The following CCDC178 variants were observed in gnomAD, a reference collection of about 807,000 sequenced individuals.
CCDC178 encodes the protein coiled-coil domain containing 178.
In CCDC178, 126 loss-of-function variants were observed where a neutral mutation model predicts 117.4. The observed-to-expected ratio is 1.07, with a 90% CI of 0.93 to 1.24. The LOEUF is 1.24. Among genes scored for constraint, CCDC178 ranks in the 50% most tolerant of loss-of-function variants. The probability of loss-of-function intolerance (pLI) is 0.00; values close to 1 mark genes in which losing one functional copy is unlikely to be tolerated. For synonymous variants in CCDC178, 283 were observed against 313.4 expected (o/e 0.90, Z 1.02); for missense variants, 1,030 against 986.9 (o/e 1.04, Z -0.59).
chr18:32,977,715 C>T (rs1218102259), intron 21 of CCDC178, among the ~76,000 whole-genome samples: 1 of 152,112 alleles, frequency 6.6e-6, no homozygotes, highest in African/African-American at 2.4e-5. Context: ...CAGCAAAATA[C>T]CACTTTAATT....
intron 14 of CCDC178, among the ~76,000 whole-genome samples, chr18:33,257,673 T>A (rs187899197): frequency 2.4e-4 from 37 of 152,224 alleles, no homozygotes; most frequent in Non-Finnish European, 5.1e-4. Context: ...CTTTTCATGT[T>A]CTCCATTGTC....
intron 20 of CCDC178, among the ~76,000 whole-genome samples, chr18:33,164,938 C>A (rs2058511231): frequency 1.3e-5 from 2 of 152,146 alleles, no homozygotes; most frequent in Admixed American, 1.3e-4. Flanking sequence ...TAATATCATG[C>A]ATTGGTCATT....
chr18:33,370,018 C>CTTTATAATTT (rs1187858784), intron 6 of CCDC178, 32 bp downstream of exon 6: 1 of 1,508,936 alleles, frequency 6.6e-7, no homozygotes, highest in East Asian at 2.5e-5. Context: ...TAAAGCTTAC[C>CTTTATAATTT]AAAATATCAG....
At chr18:33,411,593 A>ATATTAG (rs1220922328) in intron 3 of CCDC178, among the ~76,000 whole-genome samples, 3 of 152,192 alleles carry the variant, frequency 2.0e-5, no homozygotes, top group African/African-American at 7.2e-5. Flanking sequence ...AAATAGAATT[A>ATATTAG]TATTAGTATT....
chr18:33,258,340 G>T (rs987704365), intron 14 of CCDC178, among the ~76,000 whole-genome samples: 1 of 152,042 alleles, frequency 6.6e-6, no homozygotes, highest in Non-Finnish European at 1.5e-5. Context: ...AGAGCACAAA[G>T]AATTTTTATC....
intron 20 of CCDC178, among the ~76,000 whole-genome samples, chr18:33,170,828 G>A (rs1442320868): frequency 6.6e-6 from 1 of 151,990 alleles, no homozygotes; most frequent in Non-Finnish European, 1.5e-5. Context: ...TTAAATAGAT[G>A]TTTTCAGTTT....
At chr18:32,939,068 A>T (rs1422078675) in intron 22 of CCDC178, among the ~76,000 whole-genome samples, 3 of 152,132 alleles carry the variant, frequency 2.0e-5, no homozygotes, top group Non-Finnish European at 2.9e-5. Flanking sequence ...ATTACCCAAG[A>T]AGTGAAATAA....
intron 14 of CCDC178, among the ~76,000 whole-genome samples, chr18:33,258,307 A>G (rs1238620239): frequency 6.6e-6 from 1 of 152,098 alleles, no homozygotes; most frequent in Non-Finnish European, 1.5e-5. Context: ...TTTTCTAGCA[A>G]CACCGGCCTC....
intron 22 of CCDC178, among the ~76,000 whole-genome samples, chr18:32,970,353 C>T (rs1339592621): frequency 2.0e-5 from 3 of 151,864 alleles, no homozygotes; most frequent in African/African-American, 4.8e-5. Context: ...TTTTGAATTG[C>T]TTTTCCTCAA....
intron 20 of CCDC178, among the ~76,000 whole-genome samples, chr18:33,206,605 T>C (rs1487346546): frequency 1.3e-5 from 2 of 152,082 alleles, no homozygotes; most frequent in Non-Finnish European, 2.9e-5. Flanking sequence ...AATTTTTTTC[T>C]AGAAAAATAT....
chr18:33,429,405 A>C (rs1488511160), intron 2 of CCDC178, among the ~76,000 whole-genome samples: 1 of 152,132 alleles, frequency 6.6e-6, no homozygotes, highest in Non-Finnish European at 1.5e-5. Context: ...AGCAAGGGAC[A>C]AAAGTCAGTC....
intron 20 of CCDC178, among the ~76,000 whole-genome samples, chr18:33,190,915 C>T (rs181111264): frequency 6.6e-6 from 1 of 152,238 alleles, no homozygotes; most frequent in East Asian, 1.9e-4. Context: ...CAGCAATATA[C>T]TCAGTCCTTC....
intron 21 of CCDC178, among the ~76,000 whole-genome samples, chr18:33,063,126 G>T (rs1015262782): frequency 6.6e-6 from 1 of 152,130 alleles, no homozygotes; most frequent in African/African-American, 2.4e-5. Flanking sequence ...CCATCCTGGG[G>T]CCTGAGGACA....
chr18:33,025,157 T>G (rs913958298), intron 21 of CCDC178, among the ~76,000 whole-genome samples: 2 of 152,208 alleles, frequency 1.3e-5, no homozygotes, highest in South Asian at 4.1e-4. Context: ...GATTCAAAGC[T>G]GTTTGAATAT....
intron 14 of CCDC178, among the ~76,000 whole-genome samples, chr18:33,263,246 G>T (rs1229581296): frequency 2.6e-5 from 4 of 152,138 alleles, no homozygotes; most frequent in Admixed American, 2.6e-4. Context: ...TTTTAGAGAT[G>T]AAGTGGGAGT....
intron 11 of CCDC178, among the ~76,000 whole-genome samples, chr18:33,320,656 A>G (rs753380888): frequency 2.1e-4 from 32 of 152,232 alleles, no homozygotes; most frequent in Non-Finnish European, 4.4e-4. Flanking sequence ...GAAAATGGCC[A>G]TACTGCCCAA....
chr18:32,995,368 T>C (rs902514866), intron 21 of CCDC178, among the ~76,000 whole-genome samples: 3 of 152,156 alleles, frequency 2.0e-5, no homozygotes, highest in Non-Finnish European at 4.4e-5. Flanking sequence ...AAAATATAAT[T>C]TTTTATTAAA....
intron 21 of CCDC178, among the ~76,000 whole-genome samples, chr18:33,035,238 G>A (rs537983106): frequency 6.6e-6 from 1 of 151,864 alleles, no homozygotes; most frequent in Admixed American, 6.6e-5. Flanking sequence ...GAAGTGGAGG[G>A]AAACACTATA....
At chr18:33,182,385 A>G (rs757020777) in intron 20 of CCDC178, among the ~76,000 whole-genome samples, 1 of 152,004 alleles carries the variant, frequency 6.6e-6, no homozygotes, top group Admixed American at 6.6e-5. Flanking sequence ...AAGTACTACA[A>G]TAAGATTACA....
Sources: gnomAD v4.1 joint callset for allele counts (sites outside exome capture counted in the v4.1 genomes callset) on GRCh38, gnomAD v4.1.1 for gene constraint, MANE v1.5 for transcripts, NCBI Gene and HGNC (gene_info 2026-07-23, HGNC 2026-07-21) for gene names.